EFR3B: variants seen among roughly 807,000 people sequenced by gnomAD.
The protein encoded by EFR3B is protein EFR3 homolog B.
EFR3B carries 64 observed loss-of-function variants against 104.7 expected under a neutral mutation model. The ratio of observed to expected loss-of-function variants is 0.61; its 90% CI spans 0.50 to 0.75. The LOEUF (loss-of-function observed/expected upper bound fraction) is 0.75. EFR3B is among the 30% of genes least tolerant of loss of function. The pLI is 0.00. For synonymous variants in EFR3B, 385 were observed against 417.9 expected (o/e 0.92, Z 0.96); for missense variants, 750 against 1,078.5 (o/e 0.70, Z 4.27).
intron 1 of EFR3B, among the ~76,000 whole-genome samples, chr2:25,074,434 G>T (rs1401465083): frequency 6.6e-6 from 1 of 151,926 alleles, no homozygotes; most frequent in Non-Finnish European, 1.5e-5. Context: ...GCGTGGTGGT[G>T]TGTGCCTGTA....
chr2:25,071,291 C>T (rs530820304), intron 1 of EFR3B, among the ~76,000 whole-genome samples: 102 of 135,688 alleles, frequency 7.5e-4, no homozygotes, highest in African/African-American at 2.5e-3. Context: ...GACAGAGTCT[C>T]GCTCTGTTGC....
intron 1 of EFR3B, among the ~76,000 whole-genome samples, chr2:25,046,141 T>C (rs1255215683): frequency 6.6e-6 from 1 of 152,136 alleles, no homozygotes; most frequent in Non-Finnish European, 1.5e-5. Context: ...ATCCCAGCAC[T>C]TTGGGAGGCC....
intron 1 of EFR3B, among the ~76,000 whole-genome samples, chr2:25,090,308 G>A (rs1307199166): frequency 6.6e-6 from 1 of 152,252 alleles, no homozygotes; most frequent in Admixed American, 6.5e-5. Context: ...TCAGTGAGGG[G>A]TGAAGCTGGG....
At chr2:25,069,104 C>T (rs1372617392) in intron 1 of EFR3B, among the ~76,000 whole-genome samples, 2 of 151,694 alleles carry the variant, frequency 1.3e-5, no homozygotes, top group African/African-American at 4.9e-5. Context: ...GATGGGGTTT[C>T]ACCATGTTGG....
chr2:25,042,439 C>T lies in EFR3B; in HGVS notation c.7+120C>T, dbSNP rs1466883060. On this transcript the variant is annotated intron_variant, in intron 1 of 22. Transcript: ENST00000403714. This position sits in a 1 kb window ranked among gnomAD's most constrained non-coding sequence, Gnocchi z 5.4. The stretch of plus-strand genomic sequence containing the variant: ...GGGGCCAGGCCGCTGACCTGGTGCC[C>T]GGCGGGGCTGTTGCGGTCGCTCTGT... 1.6e-6 allele frequency: 2 copies of T among 1,214,150 alleles called. No individual in the cohort carries two copies. Among genetic ancestry groups the T allele is most frequent in the South Asian group, 4.2e-5 (1 of 23,852 alleles). 75.2% of individuals were successfully genotyped at this position (1,214,150 alleles called of 1,614,324 possible). A position where few individuals can be genotyped will look rare whatever the true frequency, so the allele number is the denominator to read the frequency against.
At chr2:25,152,940 C>T (rs1671055538) in intron 21 of EFR3B, among the ~76,000 whole-genome samples, 1 of 151,956 alleles carries the variant, frequency 6.6e-6, no homozygotes, top group African/African-American at 2.4e-5. Context: ...GAATCAGGGC[C>T]CAGTCACGGA....
chr2:25,103,989 T>G (rs1482019986), intron 4 of EFR3B, among the ~76,000 whole-genome samples: 1 of 151,102 alleles, frequency 6.6e-6, no homozygotes, highest in African/African-American at 2.4e-5. Context: ...AATATATAAT[T>G]TATATAGATA....
At chr2:25,051,159 T>C (rs1194328183) in intron 1 of EFR3B, among the ~76,000 whole-genome samples, 1 of 152,186 alleles carries the variant, frequency 6.6e-6, no homozygotes, top group Non-Finnish European at 1.5e-5. Context: ...TTGCCCAGGC[T>C]GGAGTGCAGT....
chr2:25,055,329 G>C (rs761295980), intron 1 of EFR3B, among the ~76,000 whole-genome samples: 24 of 152,152 alleles, frequency 1.6e-4, no homozygotes, highest in Non-Finnish European at 3.2e-4. Flanking sequence ...GTTAACTTGT[G>C]GCCTTACATC....
chr2:25,064,028 CAT>C (rs1446207334), intron 1 of EFR3B, among the ~76,000 whole-genome samples: 1 of 152,200 alleles, frequency 6.6e-6, no homozygotes, highest in African/African-American at 2.4e-5. Flanking sequence ...GCTTACTTGG[CAT>C]TTTTAGTAGG....
At chr2:25,117,216 C>G (rs557888240) in intron 4 of EFR3B, among the ~76,000 whole-genome samples, 1 of 152,120 alleles carries the variant, frequency 6.6e-6, no homozygotes, top group African/African-American at 2.4e-5. Flanking sequence ...GGCTCCCAGG[C>G]GTGGCTTCCC....
At position 25,042,987 on chromosome 2, in the gene EFR3B, A is replaced by G. The variant is rs943949557; in HGVS notation, c.7+668A>G. ...GCCATCCCCTCAACTGCCGTGCAAC[A>G]GTTAGCCAGACCCTCACGATGCACG... On this transcript the variant is annotated intron_variant, in intron 1 of 22. Transcript: ENST00000403714. This position sits in a 1 kb window ranked among gnomAD's most constrained non-coding sequence, Gnocchi z 5.4. Among the ~76,000 whole-genome samples, 6 of 152,208 alleles carry G rather than the reference A, an allele frequency of 3.9e-5. No individual in the cohort carries two copies. Among genetic ancestry groups the G allele is most frequent in the South Asian group, 2.1e-4 (1 of 4,832 alleles).
At chr2:25,116,610 C>T (rs1246751239) in intron 4 of EFR3B, among the ~76,000 whole-genome samples, 1 of 151,216 alleles carries the variant, frequency 6.6e-6, no homozygotes, top group Non-Finnish European at 1.5e-5. Context: ...GGCAGCAGGG[C>T]GAGACTGTCT....
At chr2:25,055,770 C>A (rs1015543581) in intron 1 of EFR3B, among the ~76,000 whole-genome samples, 1 of 52,216 alleles carries the variant, frequency 1.9e-5, no homozygotes, top group South Asian at 2.1e-3. Context: ...TAGCTGCTCA[C>A]AGCGTGTGCA....
At chr2:25,129,684 G>C (rs1360765652) in intron 6 of EFR3B, among the ~76,000 whole-genome samples, 1 of 152,070 alleles carries the variant, frequency 6.6e-6, no homozygotes, top group Non-Finnish European at 1.5e-5. Context: ...CACCTCACCT[G>C]GCCCATGGGG....
rs1235033037 is a variant in EFR3B at position 25,136,591 on chromosome 2, T to C, written c.1553T>C (p.Met518Thr). 2.6e-6 allele frequency: 4 copies of C among 1,550,848 alleles called. No homozygotes were observed. The highest frequency in any genetic ancestry group is 2.7e-5 in the African/African-American group (2 of 72,962). ...TGCTCTCGACAGGACACCGTCTTCA[T>C]GAAGAAGGTAAACAAGCATGACCTC... ...DKCSRQDTVF[M>T]KKHSQQLYRH... The change falls in exon 14 of 23, where the codon ATG (methionine) becomes ACG (threonine). Residue 518 changes from methionine to threonine, a missense_variant. Physicochemically the swap from Met to Thr is moderately conservative, Grantham distance 81. Transcript: ENST00000403714. This position sits in a 1 kb window ranked among gnomAD's most constrained non-coding sequence, Gnocchi z 4.0.
chr2:25,124,645 CAGG>C (rs1670115097), intron 5 of EFR3B, among the ~76,000 whole-genome samples: 1 of 144,744 alleles, frequency 6.9e-6, no homozygotes, highest in South Asian at 2.2e-4. Flanking sequence ...GAGGCTGAGG[CAGG>C]AGAATTGTGT....
rs535606146 is a variant in EFR3B, at chr2:25,136,813, G to A, written c.1560+215G>A. On this transcript the variant is annotated intron_variant, in intron 14 of 22. Transcript: ENST00000403714. The surrounding 1 kb of genome is among the most constrained non-coding windows in gnomAD (Gnocchi z 4.0). ...CACCTGCAATCCCAGCTACTCGGGA[G>A]GCTGAGGCAGGAGAATCGCTTGAAC... is the stretch of plus-strand genomic sequence containing the variant. Among the ~76,000 whole-genome samples, 39 of 152,354 alleles carry A rather than the reference G, an allele frequency of 2.6e-4. 1 individual carries two copies. In the South Asian group the frequency reaches 7.2e-3, roughly 28 times the overall value.
chr2:25,153,838 C>T (rs1241093243), intron 22 of EFR3B, 77 bp downstream of exon 22: 2 of 1,412,796 alleles, frequency 1.4e-6, no homozygotes, highest in Non-Finnish European at 2.0e-6. Context: ...GTCCTCTCAC[C>T]CCTGTCTTCT....
Sources: allele counts gnomAD v4.1 joint callset (sites outside exome capture counted in the v4.1 genomes callset), GRCh38; gene constraint gnomAD v4.1.1; non-coding constraint Gnocchi (gnomAD v3.1); transcripts MANE v1.5; gene names NCBI Gene and HGNC (gene_info 2026-07-23, HGNC 2026-07-21).